Variants in ZFTA observed in about 807,000 individuals in gnomAD.
ZFTA encodes the protein zinc finger translocation-associated protein.
ZFTA carries 35 observed loss-of-function variants against 41.8 expected under a neutral mutation model. That is an observed-to-expected ratio of 0.84 (90% CI 0.64 to 1.11). The LOEUF is 1.11. Among genes scored for constraint, ZFTA ranks in the 50% most tolerant of loss-of-function variants. The probability of loss-of-function intolerance (pLI) is 0.00; values close to 1 mark genes in which losing one functional copy is unlikely to be tolerated. For synonymous variants in ZFTA, 514 were observed against 436.4 expected, an observed-to-expected ratio of 1.18 and a Z score of -2.22; for missense variants, 964 against 989.8, an observed-to-expected ratio of 0.97 and a Z score of 0.35.
In ZFTA at chr11:63,763,079, T is replaced by A. The variant is rs2014673826; in HGVS notation, c.*339A>T. The A allele has an allele frequency of 6.4e-6, 1 of 155,392 alleles. No homozygotes were observed. Among genetic ancestry groups the A allele is most frequent in the Non-Finnish European group, 1.4e-5 (1 of 70,174 alleles). 9.6% of individuals were successfully genotyped at this position (155,392 alleles called of 1,614,324 possible). On this transcript the variant is annotated 3_prime_UTR_variant, in exon 5 of 5. Coordinates refer to ENST00000433688, the MANE Select transcript of ZFTA (RefSeq NM_001144936.2). Reference sequence around the variant, plus strand: ...CAGTCCCGGCCTGCGGAGAACCCCCTCGCGGGGTGCGGCCGGGAGCGCTCG... The same window carrying A: ...CAGTCCCGGCCTGCGGAGAACCCCCACGCGGGGTGCGGCCGGGAGCGCTCG...
At chr11:63,766,396 G>GGGGGAGGGGGTGTTCCGGGGCA in intron 1 of ZFTA, 92 bp from the exon 2 acceptor site, 1 of 1,386,082 alleles carries the variant, frequency 7.2e-7, no homozygotes, top group Non-Finnish European at 9.3e-7. Flanking sequence ...AAAGGGAGCT[G>GGGGGAGGGGGTGTTCCGGGGCA]GGGGAGGGGG....
At position 63,763,391 on chromosome 11, in the gene ZFTA, G is replaced by A; in HGVS notation, c.*27C>T. ...GGGCGGGGCCGATCCGACCCGACCCGACCTGACCCGGGGGCCCGCTAGGCC... is the reference window on the plus strand; with the variant it reads ...GGGCGGGGCCGATCCGACCCGACCCAACCTGACCCGGGGGCCCGCTAGGCC... On this transcript the variant is annotated 3_prime_UTR_variant, in exon 5 of 5. Coordinates refer to ENST00000433688, the MANE Select transcript of ZFTA (RefSeq NM_001144936.2). 7.9e-7 allele frequency: 1 copy of A among 1,264,252 alleles called. No individual in the cohort carries two copies. Among genetic ancestry groups the A allele is most frequent in the Non-Finnish European group, 1.0e-6 (1 of 1,001,244 alleles). The allele number at this position is 1,264,252 out of a possible 1,614,324, so 78.3% of individuals were successfully genotyped here.
rs902882165 is a variant in ZFTA, at chr11:63,761,641, C to T, written c.*1777G>A. 6.6e-6 allele frequency: 1 copy of T among 152,306 alleles called. No homozygotes were observed. Among genetic ancestry groups the T allele is most frequent in the Non-Finnish European group, 1.5e-5 (1 of 68,134 alleles). The allele number at this position is 152,306 out of a possible 1,614,324, so 9.4% of individuals were successfully genotyped here. A position where few individuals can be genotyped will look rare whatever the true frequency, so the allele number is the denominator to read the frequency against. ...TCCCTACCTGGCTGTGTGATCATCTCGGTTCCTGGGCTCCAATTTACCTAT... is the reference window on the plus strand; with the variant it reads ...TCCCTACCTGGCTGTGTGATCATCTTGGTTCCTGGGCTCCAATTTACCTAT... On this transcript the variant is annotated 3_prime_UTR_variant, in exon 5 of 5. Transcript: ENST00000433688.
At position 63,763,478 on chromosome 11, in the gene ZFTA, G is replaced by A. The variant is rs1385300680; in HGVS notation, c.1977C>T (p.Pro659=). Residue 659 remains proline, a synonymous_variant, in exon 5 of 5, where the codon CCC becomes CCT. Coordinates refer to ENST00000433688, the MANE Select transcript of ZFTA (RefSeq NM_001144936.2). ...RCYGHEGFGP[P]APAPRDGGAD... is the part of the protein sequence containing the mutation. ...CGCCGCCGTCACGCGGCGCCGGGGC[G>A]GGCGGCCCGAAGCCCTCGTGGCCGT... 14 of 1,512,064 alleles carry A rather than the reference G, an allele frequency of 9.3e-6. No individual in the cohort carries two copies. The East Asian group carries it at 1.1e-4, about 11-fold the overall frequency. 93.7% of individuals were successfully genotyped at this position (1,512,064 alleles called of 1,614,324 possible).
chr11:63,764,918 G>C lies in ZFTA; in HGVS notation c.974C>G (p.Ala325Gly). The change falls in exon 3 of 5, where the codon GCC (alanine) becomes GGC (glycine). Residue 325 changes from alanine to glycine, a missense_variant. By Grantham distance (60) the Ala-to-Gly change is moderately conservative. This residue lies in a region of ZFTA where 584 missense variants were observed against 523.1 expected (regional missense o/e 1.12). Transcript: ENST00000433688. ...SGPQRSALLQ[A>G]WGGQPEALSE... is the part of the protein sequence containing the mutation. ...CAGCGCCTCGGGCTGGCCCCCCCAG[G>C]CCTGCAGCAGGGCACTGCGCTGGGG... 6.5e-7 allele frequency: 1 copy of C among 1,540,408 alleles called. No individual in the cohort carries two copies. The highest frequency in any genetic ancestry group is 8.7e-7 in the Non-Finnish European group (1 of 1,143,744).
Position 63,764,606 on chromosome 11 carries a change from G to T in ZFTA, c.1025-8C>A. 4.8e-6 allele frequency: 6 copies of T among 1,257,376 alleles called. No individual in the cohort carries two copies. The highest frequency in any genetic ancestry group is 6.0e-6 in the Non-Finnish European group (6 of 998,858). The allele number at this position is 1,257,376 out of a possible 1,614,324, so 77.9% of individuals were successfully genotyped here. A position where few individuals can be genotyped will look rare whatever the true frequency, so the allele number is the denominator to read the frequency against. On this transcript the variant is annotated splice_polypyrimidine_tract_variant and splice_region_variant and intron_variant, in intron 3 of 4. Coordinates refer to ENST00000433688, the MANE Select transcript of ZFTA (RefSeq NM_001144936.2). ...GGGGGGCGAGGTCATCGCCTGTTGG[G>T]GAAGGGGTGAGGGAGAGGGGCTCAG... is the stretch of plus-strand genomic sequence containing the variant.
chr11:63,761,354 G>C lies in ZFTA; in HGVS notation c.*2064C>G, dbSNP rs1590907582. 1 of 152,286 alleles carries C rather than the reference G, an allele frequency of 6.6e-6. No individual in the cohort carries two copies. The highest frequency in any genetic ancestry group is 2.4e-5 in the African/African-American group (1 of 41,446). 9.4% of individuals were successfully genotyped at this position (152,286 alleles called of 1,614,324 possible). On this transcript the variant is annotated 3_prime_UTR_variant, in exon 5 of 5. Coordinates refer to ENST00000433688, the MANE Select transcript of ZFTA (RefSeq NM_001144936.2). Reference sequence around the variant, plus strand: ...GCAGCCGCCCCACCTCTGGAGTTCTGCTGGGGAGGGGAAGGACGATTGGAT... The same window carrying C: ...GCAGCCGCCCCACCTCTGGAGTTCTCCTGGGGAGGGGAAGGACGATTGGAT...
chr11:63,766,449 T>C, intron 1 of ZFTA, 145 bp from the exon 2 acceptor site: 1 of 1,141,274 alleles, frequency 8.8e-7, no homozygotes, highest in Admixed American at 3.5e-5. Context: ...ATAAAAGGGA[T>C]GGTAGAAGTG....
rs1435595701 is a variant in ZFTA, at chr11:63,760,406, G to A, written c.*3012C>T. The A allele has an allele frequency of 1.3e-5, 2 of 152,090 alleles. No homozygotes were observed. Among genetic ancestry groups the A allele is most frequent in the Admixed American group, 1.3e-4 (2 of 15,264 alleles). 9.4% of individuals were successfully genotyped at this position (152,090 alleles called of 1,614,324 possible). A position where few individuals can be genotyped will look rare whatever the true frequency, so the allele number is the denominator to read the frequency against. ...TTCAACATACCTCTTAGAAAACTTA[G>A]GCTGAAATATTTTTTAAATGACTGA... On this transcript the variant is annotated 3_prime_UTR_variant, in exon 5 of 5. Coordinates refer to ENST00000433688, the MANE Select transcript of ZFTA (RefSeq NM_001144936.2).
At chr11:63,763,897 C>T (rs1179042168) in intron 4 of ZFTA, 28 bp from the exon 5 acceptor site, 5 of 1,409,682 alleles carry the variant, frequency 3.5e-6, no homozygotes, top group Non-Finnish European at 4.6e-6. Flanking sequence ...ACCGCATTGG[C>T]GACGGCGGGG....
Position 63,766,066 on chromosome 11 carries a change from G to A in ZFTA, c.378C>T (p.Cys126=), listed in dbSNP as rs2014740403. The change falls in exon 2 of 5, where the codon TGC becomes TGT. Residue 126 remains cysteine, a synonymous_variant. Transcript: ENST00000433688. ...DFNPARHGMV[C]MVCGSSLATL... ...TGGCCAGGGAGCTGCCGCACACCAT[G>A]CACACCATGCCGTGCCGGGCAGGGT... is the stretch of plus-strand genomic sequence containing the variant. 2 of 1,546,102 alleles carry A rather than the reference G, an allele frequency of 1.3e-6. No homozygotes were observed. The highest frequency in any genetic ancestry group is 3.9e-5 in the Admixed American group (2 of 50,680).
Position 63,764,489 on chromosome 11 carries a change from A to T in ZFTA, c.1134T>A (p.Ala378=). 7.9e-7 allele frequency: 1 copy of T among 1,258,818 alleles called. No individual in the cohort carries two copies. The highest frequency in any genetic ancestry group is 1.0e-6 in the Non-Finnish European group (1 of 996,786). 78.0% of individuals were successfully genotyped at this position (1,258,818 alleles called of 1,614,324 possible). A position where few individuals can be genotyped will look rare whatever the true frequency, so the allele number is the denominator to read the frequency against. ...GCCCGGGCCTCTCAGGGACCCAGCC[A>T]GCCTCTTCCTTTACGTCTGGGGGGC... is the stretch of plus-strand genomic sequence containing the variant. ...DLSPPDVKEE[A]GWVPERPGPA... The change falls in exon 4 of 5, where the codon GCT becomes GCA. Residue 378 remains alanine, a synonymous_variant. Transcript: ENST00000433688.
rs902828951 is a variant in ZFTA at position 63,761,834 on chromosome 11, G to A, written c.*1584C>T. 1.3e-5 allele frequency: 2 copies of A among 152,304 alleles called. No homozygotes were observed. Among genetic ancestry groups the A allele is most frequent in the East Asian group, 3.9e-4 (2 of 5,190 alleles). 9.4% of individuals were successfully genotyped at this position (152,304 alleles called of 1,614,324 possible). A position where few individuals can be genotyped will look rare whatever the true frequency, so the allele number is the denominator to read the frequency against. On this transcript the variant is annotated 3_prime_UTR_variant, in exon 5 of 5. Coordinates refer to ENST00000433688, the MANE Select transcript of ZFTA (RefSeq NM_001144936.2). ...GCACTTGAACCTTAGGCTCTGGCCT[G>A]GGGGTCAGGGATGAGAGGAGGGGCC...
chr11:63,763,740 G>C lies in ZFTA; in HGVS notation c.1715C>G (p.Pro572Arg). 1 of 1,496,302 alleles carries C rather than the reference G, an allele frequency of 6.7e-7. No homozygotes were observed. Among genetic ancestry groups the C allele is most frequent in the Non-Finnish European group, 8.9e-7 (1 of 1,119,970 alleles). The allele number at this position is 1,496,302 out of a possible 1,614,324, so 92.7% of individuals were successfully genotyped here. ...PPPPPPPPPP[P>R]RSREQRRNYQ... The stretch of plus-strand genomic sequence containing the variant: ...GTTCCGCCGCTGCTCCCGGCTGCGG[G>C]GCGGGGGCGGAGGCGGGGGAGGAGG... The change falls in exon 5 of 5, where the codon CCC becomes CGC. Residue 572 changes from proline (P) to arginine (R), a missense_variant. Physicochemically the swap from Pro to Arg is moderately radical, Grantham distance 103 (BLOSUM62 -2). Around this residue, in one of 5 missense-constraint regions of ZFTA, gnomAD observed 584 missense variants for 523.1 expected, o/e 1.12. Transcript: ENST00000433688.
At position 63,763,320 on chromosome 11, in the gene ZFTA, C is replaced by G; in HGVS notation, c.*98G>C. 1 of 944,646 alleles carries G rather than the reference C, an allele frequency of 1.1e-6. No individual in the cohort carries two copies. Among genetic ancestry groups the G allele is most frequent in the Non-Finnish European group, 1.3e-6 (1 of 757,658 alleles). The allele number at this position is 944,646 out of a possible 1,614,324, so 58.5% of individuals were successfully genotyped here. A position where few individuals can be genotyped will look rare whatever the true frequency, so the allele number is the denominator to read the frequency against. ...GCGCGGCCGCGGGAAGCGCTAACAC[C>G]GGACGCGAGGGTCTCCCAGCCGAAG... is the stretch of plus-strand genomic sequence containing the variant. On this transcript the variant is annotated 3_prime_UTR_variant, in exon 5 of 5. Coordinates refer to ENST00000433688, the MANE Select transcript of ZFTA (RefSeq NM_001144936.2).
In ZFTA at chr11:63,765,141, G is replaced by A. The variant is rs867829142; in HGVS notation, c.751C>T (p.Leu251=). Residue 251 remains leucine, a synonymous_variant, in exon 3 of 5, where the codon CTG becomes TTG. Transcript: ENST00000433688. The surrounding 1 kb of genome is among the most constrained non-coding windows in gnomAD (Gnocchi z 4.0). ...CTCCTCTCCAGGCGCCGGGCCCCCA[G>A]CCCCCTGCTGCCCCCGGCCCTCCGG... ...ASRRAGGSRG[L]GARRLERRLK... 1.3e-6 allele frequency: 2 copies of A among 1,547,030 alleles called. No individual in the cohort carries two copies. Among genetic ancestry groups the A allele is most frequent in the Non-Finnish European group, 1.7e-6 (2 of 1,146,076 alleles).
Position 63,766,262 on chromosome 11 carries a change from C to A in ZFTA, c.182G>T (p.Gly61Val). The A allele has an allele frequency of 1.3e-6, 2 of 1,494,020 alleles. No individual in the cohort carries two copies. Among genetic ancestry groups the A allele is most frequent in the East Asian group, 2.5e-5 (1 of 39,494 alleles). The allele number at this position is 1,494,020 out of a possible 1,614,324, so 92.5% of individuals were successfully genotyped here. The change falls in exon 2 of 5, where the codon GGG becomes GTG. Residue 61 changes from glycine (G) to valine (V), a missense_variant. Coordinates refer to ENST00000433688, the MANE Select transcript of ZFTA (RefSeq NM_001144936.2). ...CCTGGAGGAGGGCAGGGGGGCACTC[C>A]CCCAGGACCCCAAGGCACCCCCTTC... ...QLEGGALGSW[G>V]SAPLPSSRAR...
rs1042231364 is a variant in ZFTA, at chr11:63,765,095, T to A, written c.797A>T (p.Asn266Ile). The stretch of plus-strand genomic sequence containing the variant: ...CATGAGACACTCGGCCCGGAACCAG[T>A]TCTGCAGGGACTCCTTCAGCCTCCT... ...LERRLKESLQ[N>I]WFRAECLMDY... Residue 266 changes from asparagine (N) to isoleucine (I), a missense_variant, in exon 3 of 5, where the codon AAC (asparagine) becomes ATC (isoleucine). Asn to Ile is a moderately radical substitution (Grantham distance 149). Coordinates refer to ENST00000433688, the MANE Select transcript of ZFTA (RefSeq NM_001144936.2). The surrounding 1 kb of genome is among the most constrained non-coding windows in gnomAD (Gnocchi z 4.0). The A allele has an allele frequency of 5.2e-6, 8 of 1,548,600 alleles. No homozygotes were observed. The African/African-American group carries it at 1.1e-4, about 21-fold the overall frequency.
rs2014643013 is a variant in ZFTA at position 63,761,812 on chromosome 11, C to T, written c.*1606G>A. 2.0e-5 allele frequency: 3 copies of T among 152,298 alleles called. No homozygotes were observed. Among genetic ancestry groups the T allele is most frequent in the Non-Finnish European group, 4.4e-5 (3 of 68,094 alleles). 9.4% of individuals were successfully genotyped at this position (152,298 alleles called of 1,614,324 possible). On this transcript the variant is annotated 3_prime_UTR_variant, in exon 5 of 5. Coordinates refer to ENST00000433688, the MANE Select transcript of ZFTA (RefSeq NM_001144936.2). ...CGTCAAGGGGACTGGGCCTGAGGCACTTGAACCTTAGGCTCTGGCCTGGGG... is the reference window on the plus strand; with the variant it reads ...CGTCAAGGGGACTGGGCCTGAGGCATTTGAACCTTAGGCTCTGGCCTGGGG...
Sources: allele counts gnomAD v4.1 joint callset, GRCh38; gene constraint gnomAD v4.1.1; regional missense constraint gnomAD v4.1.1; non-coding constraint Gnocchi (gnomAD v3.1); transcripts MANE v1.5; gene names NCBI Gene and HGNC (gene_info 2026-07-23, HGNC 2026-07-21).